The following TUSC3 variants were observed in gnomAD, a reference collection of about 807,000 sequenced individuals.
TUSC3 encodes the protein dolichyl-diphosphooligosaccharide--protein glycosyltransferase subunit TUSC3.
Under a neutral mutation model 44.8 loss-of-function variants are expected in TUSC3, and 45 were observed. The ratio of observed to expected loss-of-function variants is 1.00; its 90% CI spans 0.79 to 1.29. The LOEUF (loss-of-function observed/expected upper bound fraction) is 1.29. Among genes scored for constraint, TUSC3 ranks in the 50% most tolerant of loss-of-function variants. The pLI, the probability that TUSC3 is intolerant of heterozygous loss-of-function variation, is 0.00. For synonymous variants in TUSC3, 212 were observed against 152.9 expected (o/e 1.39, Z -2.85); for missense variants, 519 against 437.9 (o/e 1.19, Z -1.65).
chr8:15,585,312 A>G (rs1230430522), intron 1 of TUSC3, among the ~76,000 whole-genome samples: 3 of 152,174 alleles, frequency 2.0e-5, no homozygotes, highest in Admixed American at 6.5e-5. Context: ...TGAGATGGAT[A>G]ATGTTACAGT....
chr8:15,586,333 A>C (rs1032542185), intron 1 of TUSC3, among the ~76,000 whole-genome samples: 1 of 152,092 alleles, frequency 6.6e-6, no homozygotes, highest in Non-Finnish European at 1.5e-5. Context: ...GGGGTGGGGA[A>C]CAACACCGTT....
At chr8:15,522,797 G>T (rs1218936353) in intron 2 of TUSC3, among the ~76,000 whole-genome samples, 1 of 152,124 alleles carries the variant, frequency 6.6e-6, no homozygotes, top group Non-Finnish European at 1.5e-5. Flanking sequence ...CTTTTCTCTA[G>T]TGAGGAATTT....
Position 15,724,743 on chromosome 8 carries a change from G to A in TUSC3, c.799-5923G>A, listed in dbSNP as rs184370447. Among the ~76,000 whole-genome samples, 305 of 152,246 alleles carry A rather than the reference G, an allele frequency of 2.0e-3. 1 individual carries two copies. Among genetic ancestry groups the A allele is most frequent in the Non-Finnish European group, 3.5e-3 (238 of 67,988 alleles). ...AAACAGGCTGAAAGGATTTACACTA[G>A]TACTTTTTCATGATGTTTTCAAGGA... On this transcript the variant is annotated intron_variant, in intron 6 of 10. Transcript: ENST00000503731.
intron 2 of TUSC3, among the ~76,000 whole-genome samples, chr8:15,488,395 A>G (rs902801185): frequency 6.6e-6 from 1 of 151,924 alleles, no homozygotes; most frequent in East Asian, 1.9e-4. Context: ...CTGGCTACTT[A>G]GGAGACTGAG....
intron 9 of TUSC3, among the ~76,000 whole-genome samples, chr8:15,750,624 G>C (rs1439378245): frequency 6.6e-6 from 1 of 151,900 alleles, no homozygotes; most frequent in East Asian, 1.9e-4. Flanking sequence ...GCTGGACATA[G>C]AAACTACCCA....
chr8:15,735,554 A>G (rs571125460), intron 7 of TUSC3, among the ~76,000 whole-genome samples: 2 of 152,316 alleles, frequency 1.3e-5, no homozygotes, highest in East Asian at 3.9e-4. Flanking sequence ...TTGTTTTTCT[A>G]CTTAGTAATA....
intron 1 of TUSC3, among the ~76,000 whole-genome samples, chr8:15,543,869 G>C (rs1801773734): frequency 6.6e-6 from 1 of 151,208 alleles, no homozygotes; most frequent in Admixed American, 6.6e-5. Flanking sequence ...TTCCCAGGAA[G>C]AGATTTGGTA....
rs192049150 is a variant in TUSC3, at chr8:15,708,630, G to A, written c.799-22036G>A. ...ACATATGCCATAACTAAGAATTTTG[G>A]TGGAGAAGAAAGATAAAACATTCAG... On this transcript the variant is annotated intron_variant, in intron 6 of 10. Transcript: ENST00000503731. Among the ~76,000 whole-genome samples, 27 of 152,038 alleles carry A rather than the reference G, an allele frequency of 1.8e-4. No homozygotes were observed. In the East Asian group the frequency reaches 3.9e-3, roughly 22 times the overall value.
At chr8:15,485,822 C>A (rs1168184165) in intron 2 of TUSC3, among the ~76,000 whole-genome samples, 1 of 151,124 alleles carries the variant, frequency 6.6e-6, no homozygotes, top group Non-Finnish European at 1.5e-5. Flanking sequence ...GGCAGAGTTT[C>A]ACTCTTGTTG....
chr8:15,530,986 G>A (rs75226621), intron 2 of TUSC3, among the ~76,000 whole-genome samples: 1 of 152,100 alleles, frequency 6.6e-6, no homozygotes, highest in African/African-American at 2.4e-5. Context: ...CCTTCTGGGG[G>A]CATTCCACTG....
intron 1 of TUSC3, among the ~76,000 whole-genome samples, chr8:15,446,557 C>T (rs1334344986): frequency 6.6e-6 from 1 of 152,006 alleles, no homozygotes; most frequent in Non-Finnish European, 1.5e-5. Context: ...GAAACCCCGT[C>T]TCCACCAAAA....
chr8:15,743,643 TC>T (rs1394808329), intron 8 of TUSC3, 31 bp downstream of exon 8: 1 of 1,610,664 alleles, frequency 6.2e-7, no homozygotes, highest in African/African-American at 1.3e-5. Context: ...TTTTGTAATT[TC>T]GTTTTAGTCT....
chr8:15,548,550 A>C (rs1020146133), intron 1 of TUSC3, among the ~76,000 whole-genome samples: 1 of 151,876 alleles, frequency 6.6e-6, no homozygotes, highest in Non-Finnish European at 1.5e-5. Context: ...GCCTGAGGGC[A>C]AAAAACAGCA....
chr8:15,435,263 G>A (rs1000230386), intron 1 of TUSC3, among the ~76,000 whole-genome samples: 1 of 152,008 alleles, frequency 6.6e-6, no homozygotes, highest in African/African-American at 2.4e-5. Context: ...TTGTGGTTTT[G>A]ATTTGCATTT....
chr8:15,498,749 A>C (rs1284696415), intron 2 of TUSC3, among the ~76,000 whole-genome samples: 5 of 152,136 alleles, frequency 3.3e-5, no homozygotes, highest in Non-Finnish European at 7.4e-5. Context: ...CCTTTCCTTG[A>C]AATAAGGGTT....
the TUSC3 span, chr8:15,806,841 C>T: frequency 6.3e-5 from 62 of 977,014 alleles, 1 homozygote; most frequent in East Asian, 9.0e-4. Flanking sequence ...ACAAAGTAAA[C>T]GTCTAGAGTC....
intron 1 of TUSC3, among the ~76,000 whole-genome samples, chr8:15,445,906 G>A (rs1800089756): frequency 6.6e-6 from 1 of 151,890 alleles, no homozygotes; most frequent in Admixed American, 6.6e-5. Flanking sequence ...CGGCCGGGCG[G>A]AGGCGCCCCC....
intron 2 of TUSC3, among the ~76,000 whole-genome samples, chr8:15,521,129 A>G (rs796338707): frequency 7.2e-5 from 11 of 152,200 alleles, no homozygotes; most frequent in African/African-American, 2.6e-4. Flanking sequence ...GATCCATGCC[A>G]CCTCTCACTT....
intron 2 of TUSC3, among the ~76,000 whole-genome samples, chr8:15,489,349 G>C (rs1251780049): frequency 6.6e-6 from 1 of 152,164 alleles, no homozygotes; most frequent in Non-Finnish European, 1.5e-5. Context: ...AGGGGTTGTG[G>C]AAACCAAGGT....
Sources: gnomAD v4.1 joint callset for allele counts (sites outside exome capture counted in the v4.1 genomes callset) on GRCh38, gnomAD v4.1.1 for gene constraint, MANE v1.5 for transcripts, NCBI Gene and HGNC (gene_info 2026-07-23, HGNC 2026-07-21) for gene names.